GALNTL6: variants seen among roughly 807,000 people sequenced by gnomAD.
GALNTL6 encodes polypeptide N-acetylgalactosaminyltransferase-like 6.
Under a neutral mutation model 73.7 loss-of-function variants are expected in GALNTL6, and 46 were observed. That is an observed-to-expected ratio of 0.62 (90% CI 0.49 to 0.80). GALNTL6 has a LOEUF of 0.80. Ranked by LOEUF, GALNTL6 falls within the 30% of genes least tolerant of loss-of-function variation. The pLI is 0.00. For synonymous variants in GALNTL6, 259 were observed against 263.7 expected, an observed-to-expected ratio of 0.98 and a Z score of 0.17; for missense variants, 604 against 755.0, an observed-to-expected ratio of 0.80 and a Z score of 2.34.
intron 7 of GALNTL6, among the ~76,000 whole-genome samples, chr4:172,880,406 CA>C (rs747675555): frequency 3.9e-5 from 6 of 151,948 alleles, no homozygotes; most frequent in Non-Finnish European, 7.4e-5. Flanking sequence ...ACAGACCCCC[CA>C]AAAAATGTAT....
intron 5 of GALNTL6, among the ~76,000 whole-genome samples, chr4:172,420,113 A>T (rs1454844182): frequency 6.6e-6 from 1 of 152,164 alleles, no homozygotes; most frequent in Non-Finnish European, 1.5e-5. Context: ...TGAGCCATCC[A>T]TTTTACTAAA....
Position 172,892,605 on chromosome 4 carries a change from C to CT in GALNTL6, c.1041+9715dup, listed in dbSNP as rs57815105. On this transcript the variant is annotated intron_variant, in intron 8 of 12. Transcript: ENST00000506823. ...GTCGGCTTTGTTCATATTTTTAATT[C>CT]TTTTTTTTTTTTTTTTTAACTGCTG... 5.0e-3 allele frequency among the ~76,000 whole-genome samples: 683 copies of CT among 137,838 alleles called. 2 individuals are homozygous for CT. Among genetic ancestry groups the CT allele is most frequent in the East Asian group, 0.015 (69 of 4,604 alleles). The allele number at this position is 137,838 out of a possible 152,430, so 90.4% of individuals were successfully genotyped here. A position where few individuals can be genotyped will look rare whatever the true frequency, so the allele number is the denominator to read the frequency against.
chr4:172,373,861 G>A (rs1742921472), intron 5 of GALNTL6, among the ~76,000 whole-genome samples: 1 of 152,190 alleles, frequency 6.6e-6, no homozygotes, highest in African/African-American at 2.4e-5. Context: ...TGGACCTTGA[G>A]GACAGTCGAC....
intron 2 of GALNTL6, among the ~76,000 whole-genome samples, chr4:171,822,055 T>C (rs974520323): frequency 4.6e-5 from 7 of 152,154 alleles, no homozygotes; most frequent in Non-Finnish European, 1.5e-5. Context: ...TCATTTCCTA[T>C]AAAAATAAAG....
intron 2 of GALNTL6, among the ~76,000 whole-genome samples, chr4:172,123,647 G>A (rs905277368): frequency 3.3e-5 from 5 of 151,586 alleles, no homozygotes; most frequent in African/African-American, 1.2e-4. Flanking sequence ...GATTACAGAC[G>A]TGTGCCACCA....
intron 2 of GALNTL6, among the ~76,000 whole-genome samples, chr4:172,198,214 A>G (rs1735836895): frequency 6.6e-6 from 1 of 152,178 alleles, no homozygotes; most frequent in Admixed American, 6.5e-5. Context: ...TGAAAATGTC[A>G]AAAGCAATTG....
At chr4:171,989,205 C>T (rs190842375) in intron 2 of GALNTL6, among the ~76,000 whole-genome samples, 11 of 151,984 alleles carry the variant, frequency 7.2e-5, no homozygotes, top group African/African-American at 1.7e-4. Context: ...AAGAAGGGGA[C>T]GGACTTACTT....
At chr4:172,669,327 C>T (rs1731843335) in intron 5 of GALNTL6, 1 of 152,180 alleles carries the variant, frequency 6.6e-6, no homozygotes, top group East Asian at 1.9e-4. Flanking sequence ...TACTCTCCCC[C>T]ACTTAACTAA....
At chr4:172,968,473 T>C (rs954476148) in intron 10 of GALNTL6, among the ~76,000 whole-genome samples, 1 of 152,152 alleles carries the variant, frequency 6.6e-6, no homozygotes, top group Admixed American at 6.6e-5. Context: ...TCCAAAGTAC[T>C]ACCTTCTGGA....
chr4:172,765,759 G>A (rs1487606459), intron 5 of GALNTL6, among the ~76,000 whole-genome samples: 2 of 151,954 alleles, frequency 1.3e-5, no homozygotes, highest in African/African-American at 4.8e-5. Flanking sequence ...GCTCAGATGA[G>A]AACATAGAGT....
chr4:172,519,697 A>G (rs563683585), intron 5 of GALNTL6, among the ~76,000 whole-genome samples: 2 of 151,776 alleles, frequency 1.3e-5, no homozygotes, highest in South Asian at 2.1e-4. Context: ...AATAGATTGA[A>G]CTGAGTTGAT....
chr4:172,272,359 G>A (rs908629435), intron 3 of GALNTL6, among the ~76,000 whole-genome samples: 1 of 152,170 alleles, frequency 6.6e-6, no homozygotes, highest in Admixed American at 6.5e-5. Flanking sequence ...CTATTTTGTT[G>A]TTGTGAGAAC....
chr4:172,094,282 C>T (rs1486380600), intron 2 of GALNTL6, among the ~76,000 whole-genome samples: 1 of 152,104 alleles, frequency 6.6e-6, no homozygotes, highest in Non-Finnish European at 1.5e-5. Flanking sequence ...GATTGTCTAT[C>T]ACTTAATTTA....
At chr4:172,498,455 A>C (rs1222142768) in intron 5 of GALNTL6, among the ~76,000 whole-genome samples, 1 of 152,104 alleles carries the variant, frequency 6.6e-6, no homozygotes, top group Non-Finnish European at 1.5e-5. Context: ...ACACATTTAT[A>C]CTCTAATATT....
At chr4:172,363,950 A>G (rs1034614161) in intron 5 of GALNTL6, among the ~76,000 whole-genome samples, 9 of 152,232 alleles carry the variant, frequency 5.9e-5, no homozygotes, top group Non-Finnish European at 1.3e-4. Context: ...AAGCTCAGAG[A>G]AACAAACTAT....
chr4:171,886,993 T>G (rs1284743653), intron 2 of GALNTL6, among the ~76,000 whole-genome samples: 1 of 152,228 alleles, frequency 6.6e-6, no homozygotes, highest in Non-Finnish European at 1.5e-5. Flanking sequence ...TCTTTTGTGC[T>G]GCTGTGACAG....
chr4:172,199,018 T>C (rs1487646882), intron 2 of GALNTL6, among the ~76,000 whole-genome samples: 2 of 152,166 alleles, frequency 1.3e-5, no homozygotes, highest in African/African-American at 2.4e-5. Context: ...TTTAGTACAC[T>C]GACTACACTG....
intron 2 of GALNTL6, among the ~76,000 whole-genome samples, chr4:172,109,383 C>T (rs1488906648): frequency 6.6e-6 from 1 of 152,108 alleles, no homozygotes; most frequent in East Asian, 1.9e-4. Flanking sequence ...ATTGGTTGTC[C>T]TCAGAGTTGT....
intron 2 of GALNTL6, among the ~76,000 whole-genome samples, chr4:172,001,961 C>G (rs1740689187): frequency 6.6e-6 from 1 of 152,128 alleles, no homozygotes; most frequent in Non-Finnish European, 1.5e-5. Context: ...CTGTGTCTCT[C>G]CCTAACTGCA....
Sources: gnomAD v4.1 joint callset for allele counts (sites outside exome capture counted in the v4.1 genomes callset) on GRCh38, gnomAD v4.1.1 for gene constraint, MANE v1.5 for transcripts, NCBI Gene and HGNC (gene_info 2026-07-23, HGNC 2026-07-21) for gene names.